Variants in RGL1 observed in about 807,000 individuals in gnomAD.
The protein encoded by RGL1 is ral guanine nucleotide dissociation stimulator-like 1.
Under a neutral mutation model 95.2 loss-of-function variants are expected in RGL1, and 24 were observed. The observed-to-expected ratio is 0.25, with a 90% CI of 0.18 to 0.35. The LOEUF (loss-of-function observed/expected upper bound fraction) is 0.35, where lower values mean the gene tolerates loss of function less well. RGL1 is among the 10% of genes least tolerant of loss of function. The pLI is 1.00. For synonymous variants in RGL1, 329 were observed against 344.9 expected (o/e 0.95, Z 0.51); for missense variants, 715 against 936.3 (o/e 0.76, Z 3.08).
intron 14 of RGL1, 76 bp from the exon 15 acceptor site, chr1:183,912,006 C>T: frequency 7.6e-7 from 1 of 1,318,694 alleles, no homozygotes; most frequent in South Asian, 1.4e-5. Flanking sequence ...AGGGCTTAAT[C>T]AACACAAAAT....
At position 183,860,422 on chromosome 1, in the gene RGL1, A is replaced by T. The variant is rs186343040; in HGVS notation, c.348-5574A>T. Among the ~76,000 whole-genome samples the T allele has an allele frequency of 2.4e-4, 36 of 152,322 alleles. No individual in the cohort carries two copies. In the East Asian group the frequency reaches 6.9e-3, roughly 29 times the overall value. On this transcript the variant is annotated intron_variant, in intron 3 of 17. Transcript: ENST00000360851. ...ACAGCCTACCTACCAGGCCCTCAGC[A>T]TCTGTCCTTGTCATCTCCATGCCTC...
chr1:183,853,352 T>C (rs896031366), intron 3 of RGL1, among the ~76,000 whole-genome samples: 1 of 151,966 alleles, frequency 6.6e-6, no homozygotes, highest in Non-Finnish European at 1.5e-5. Context: ...GTAAGCAGAA[T>C]GCCAACAAGA....
At chr1:183,710,973 C>T (rs1243647404) in intron 1 of RGL1, among the ~76,000 whole-genome samples, 1 of 152,180 alleles carries the variant, frequency 6.6e-6, no homozygotes, top group Non-Finnish European at 1.5e-5. Flanking sequence ...TTACATATGT[C>T]TTCTCTCTCC....
chr1:183,862,778 G>A (rs920921256), intron 3 of RGL1, among the ~76,000 whole-genome samples: 3 of 152,168 alleles, frequency 2.0e-5, no homozygotes, highest in Non-Finnish European at 4.4e-5. Context: ...GCTATTGCAT[G>A]CCTGTTGGGT....
intron 2 of RGL1, among the ~76,000 whole-genome samples, chr1:183,845,649 C>G (rs867122209): frequency 1.3e-4 from 20 of 152,264 alleles, no homozygotes; most frequent in African/African-American, 4.6e-4. Context: ...CTTGGTACAA[C>G]CATTTTCTCA....
chr1:183,751,570 G>A (rs111666025), intron 2 of RGL1, among the ~76,000 whole-genome samples: 24 of 152,170 alleles, frequency 1.6e-4, no homozygotes, highest in Non-Finnish European at 2.4e-4. Flanking sequence ...GTTCTGTCTC[G>A]CTGGGGTTCC....
intron 1 of RGL1, among the ~76,000 whole-genome samples, chr1:183,729,060 A>C (rs981264866): frequency 1.3e-5 from 2 of 152,202 alleles, no homozygotes; most frequent in African/African-American, 4.8e-5. Flanking sequence ...TTTCTTAAAC[A>C]GGACACAAAA....
rs549780571 is a variant in RGL1, at chr1:183,818,564, C to T, written c.138+12079C>T. 2.7e-5 allele frequency among the ~76,000 whole-genome samples: 4 copies of T among 149,612 alleles called. No individual in the cohort carries two copies. The East Asian group carries it at 7.8e-4, about 29-fold the overall frequency. On this transcript the variant is annotated intron_variant, in intron 2 of 17. Coordinates refer to ENST00000360851, the MANE Select transcript of RGL1 (RefSeq NM_001297671.3). ...AGTTTCCTTAGCACTTTACCAAAAG[C>T]TGTATTACAGCACTTATCACACTAT...
chr1:183,644,086 A>G (rs1650125586), intron 1 of RGL1, among the ~76,000 whole-genome samples: 1 of 152,176 alleles, frequency 6.6e-6, no homozygotes, highest in African/African-American at 2.4e-5. Flanking sequence ...CTGTGGTTTG[A>G]GCAGAATGAC....
upstream of RGL1, among the ~76,000 whole-genome samples, chr1:183,802,767 C>A (rs1022655729): frequency 5.3e-5 from 8 of 152,120 alleles, no homozygotes; most frequent in Non-Finnish European, 1.0e-4. Flanking sequence ...TTGGAATAAA[C>A]TGAACCAAAG....
intron 2 of RGL1, among the ~76,000 whole-genome samples, chr1:183,794,228 T>TA (rs951205156): frequency 2.8e-4 from 42 of 151,848 alleles, no homozygotes; most frequent in African/African-American, 9.2e-4. Flanking sequence ...ATGTGGGAGC[T>TA]AAAAAAAAGT....
chr1:183,907,309 C>T (rs1363999943), intron 14 of RGL1, among the ~76,000 whole-genome samples: 3 of 152,212 alleles, frequency 2.0e-5, no homozygotes, highest in Non-Finnish European at 4.4e-5. Flanking sequence ...TCACCATTCT[C>T]TCCTGCCTGA....
chr1:183,846,998 TG>T (rs1664489008), intron 2 of RGL1, among the ~76,000 whole-genome samples: 1 of 152,216 alleles, frequency 6.6e-6, no homozygotes, highest in South Asian at 2.1e-4. Flanking sequence ...AACTAGTTCT[TG>T]ATAGGGGAGT....
chr1:183,746,425 A>G (rs1373275672), intron 2 of RGL1, among the ~76,000 whole-genome samples: 1 of 151,966 alleles, frequency 6.6e-6, no homozygotes, highest in Admixed American at 6.6e-5. Context: ...CTTTTACTCA[A>G]CATTATGTTT....
At chr1:183,688,625 C>T (rs1653761599) in intron 1 of RGL1, among the ~76,000 whole-genome samples, 1 of 151,876 alleles carries the variant, frequency 6.6e-6, no homozygotes, top group South Asian at 2.1e-4. Context: ...ATTTTAATAC[C>T]ATTAGTATTT....
intron 2 of RGL1, among the ~76,000 whole-genome samples, chr1:183,766,799 T>A (rs1445438302): frequency 6.6e-6 from 1 of 152,164 alleles, no homozygotes; most frequent in South Asian, 2.1e-4. Flanking sequence ...ATCATTTTTT[T>A]TTTTGAGGCT....
chr1:183,748,988 T>C (rs575301606), intron 2 of RGL1, among the ~76,000 whole-genome samples: 6 of 152,300 alleles, frequency 3.9e-5, no homozygotes, highest in African/African-American at 1.4e-4. Flanking sequence ...TAAGAGACCA[T>C]TTGTTATGAT....
Position 183,897,946 on chromosome 1 carries a change from G to T in RGL1, c.1230+49G>T, listed in dbSNP as rs150661515. ...TGACAGCTCACAGAGGAGAAGGGCC[G>T]TGTGCGTCTGGGCTCCCACATGGCA... On this transcript the variant is annotated intron_variant, in intron 10 of 17. Transcript: ENST00000360851. 18 of 1,508,948 alleles carry T rather than the reference G, an allele frequency of 1.2e-5. No homozygotes were observed. In the African/African-American group the frequency reaches 2.1e-4, roughly 17 times the overall value. 93.5% of individuals were successfully genotyped at this position (1,508,948 alleles called of 1,614,324 possible). A position where few individuals can be genotyped will look rare whatever the true frequency, so the allele number is the denominator to read the frequency against.
intron 1 of RGL1, among the ~76,000 whole-genome samples, chr1:183,672,743 A>G (rs768540389): frequency 3.3e-5 from 5 of 151,994 alleles, no homozygotes; most frequent in Non-Finnish European, 5.9e-5. Flanking sequence ...TGGGAGTCTA[A>G]CTCTGCTTTT....
Sources: gnomAD v4.1 joint callset for allele counts (sites outside exome capture counted in the v4.1 genomes callset) on GRCh38, gnomAD v4.1.1 for gene constraint, MANE v1.5 for transcripts, NCBI Gene and HGNC (gene_info 2026-07-23, HGNC 2026-07-21) for gene names.